The following TRDN variants were observed in gnomAD, a reference collection of about 807,000 sequenced individuals.
The protein encoded by TRDN is triadin in skeletal muscle.
Under a neutral mutation model 149.7 loss-of-function variants are expected in TRDN, and 161 were observed. The observed-to-expected ratio is 1.08, with a 90% CI of 0.95 to 1.23. The LOEUF (loss-of-function observed/expected upper bound fraction) is 1.23. Among genes scored for constraint, TRDN ranks in the 50% most tolerant of loss-of-function variants. The pLI, the probability that TRDN is intolerant of heterozygous loss-of-function variation, is 0.00. For missense variants in TRDN, 896 were observed against 823.5 expected, an observed-to-expected ratio of 1.09 and a Z score of -1.08; for synonymous variants, 294 against 250.5, an observed-to-expected ratio of 1.17 and a Z score of -1.64.
chr6:123,615,005 C>T (rs1399179094), intron 1 of TRDN, among the ~76,000 whole-genome samples: 2 of 151,998 alleles, frequency 1.3e-5, no homozygotes, highest in Non-Finnish European at 2.9e-5. Context: ...ACTGAATAGA[C>T]ATCGCTCAAA....
chr6:123,634,302 A>T (rs200386666), intron 1 of TRDN, among the ~76,000 whole-genome samples: 1 of 151,804 alleles, frequency 6.6e-6, no homozygotes, highest in East Asian at 1.9e-4. Flanking sequence ...TTAGCCAGGC[A>T]TGGTGGTGCA....
At chr6:123,329,197 T>C (rs943110161) in intron 23 of TRDN, among the ~76,000 whole-genome samples, 9 of 152,154 alleles carry the variant, frequency 5.9e-5, no homozygotes, top group Admixed American at 4.6e-4. Context: ...GAGAGTTTAG[T>C]GCATAACCAG....
intron 21 of TRDN, among the ~76,000 whole-genome samples, chr6:123,338,319 C>A (rs909415523): frequency 1.6e-4 from 25 of 152,098 alleles, no homozygotes; most frequent in Admixed American, 2.0e-4. Context: ...CTGGACAGGG[C>A]AGATCTATCA....
At chr6:123,516,734 T>C (rs1165057469) in intron 5 of TRDN, among the ~76,000 whole-genome samples, 1 of 152,078 alleles carries the variant, frequency 6.6e-6, no homozygotes, top group Admixed American at 6.6e-5. Context: ...TAAAATTTAA[T>C]TTAATATGAG....
chr6:123,526,171 C>T (rs921022311), intron 5 of TRDN, among the ~76,000 whole-genome samples: 1 of 152,014 alleles, frequency 6.6e-6, no homozygotes, highest in African/African-American at 2.4e-5. Flanking sequence ...TTTAAAGATG[C>T]ATACAGTCTA....
chr6:123,447,803 T>C (rs1253936960), intron 10 of TRDN, among the ~76,000 whole-genome samples: 1 of 150,086 alleles, frequency 6.7e-6, no homozygotes, highest in African/African-American at 2.4e-5. Context: ...TTGTGAATGT[T>C]AGCTCCAGAT....
chr6:123,624,844 C>T (rs1785568010), intron 1 of TRDN, among the ~76,000 whole-genome samples: 1 of 151,370 alleles, frequency 6.6e-6, no homozygotes, highest in South Asian at 2.1e-4. Flanking sequence ...TGGGAGAACA[C>T]TCAGATGGGA....
At chr6:123,311,242 A>T (rs1389035210) in intron 24 of TRDN, among the ~76,000 whole-genome samples, 1 of 151,948 alleles carries the variant, frequency 6.6e-6, no homozygotes, top group Non-Finnish European at 1.5e-5. Context: ...GAACTGCCAG[A>T]CACTTATAAA....
intron 5 of TRDN, among the ~76,000 whole-genome samples, chr6:123,521,512 G>A (rs1209165739): frequency 6.6e-6 from 1 of 152,054 alleles, no homozygotes; most frequent in Non-Finnish European, 1.5e-5. Context: ...AACCTCCAGA[G>A]GCCAGGAGAG....
At chr6:123,225,759 T>G (rs1471554383) in intron 38 of TRDN, among the ~76,000 whole-genome samples, 1 of 151,762 alleles carries the variant, frequency 6.6e-6, no homozygotes, top group Non-Finnish European at 1.5e-5. Flanking sequence ...ACACAATGAC[T>G]CTTAAGTTGT....
chr6:123,347,241 C>T (rs920001380), intron 21 of TRDN, among the ~76,000 whole-genome samples: 5 of 152,118 alleles, frequency 3.3e-5, no homozygotes, highest in African/African-American at 7.2e-5. Flanking sequence ...GAATATAGTA[C>T]GTACTGAAAA....
At chr6:123,253,787 C>T (rs1776460253) in intron 37 of TRDN, among the ~76,000 whole-genome samples, 1 of 152,106 alleles carries the variant, frequency 6.6e-6, no homozygotes, top group African/African-American at 2.4e-5. Context: ...ATCTCTTGTA[C>T]AGCTGAGTTA....
Position 123,497,981 on chromosome 6 carries a change from G to T in TRDN, c.794-729C>A, listed in dbSNP as rs539051139. Among the ~76,000 whole-genome samples, 448 of 151,884 alleles carry T rather than the reference G, an allele frequency of 2.9e-3. 6 individuals are homozygous for T. The highest frequency in any genetic ancestry group is 0.01 in the African/African-American group (421 of 41,424). On this transcript the variant is annotated intron_variant, in intron 8 of 40. Coordinates refer to ENST00000334268, the MANE Select transcript of TRDN (RefSeq NM_006073.4). Reference sequence around the variant, plus strand: ...GGGCAGACCTGGTCTTCAGGAGTTGGTTTTTTTTCTATTCCCTCTAGATTA... The same window carrying T: ...GGGCAGACCTGGTCTTCAGGAGTTGTTTTTTTTTCTATTCCCTCTAGATTA...
intron 20 of TRDN, among the ~76,000 whole-genome samples, chr6:123,364,171 AGTTAAACTGT>A (rs1350533484): frequency 6.6e-6 from 1 of 152,178 alleles, no homozygotes; most frequent in Non-Finnish European, 1.5e-5. Flanking sequence ...TTTTTTGCTC[AGTTAAACTGT>A]GTTAAATATA....
At chr6:123,401,369 C>T (rs1772963737) in intron 12 of TRDN, among the ~76,000 whole-genome samples, 1 of 152,154 alleles carries the variant, frequency 6.6e-6, no homozygotes, top group Non-Finnish European at 1.5e-5. Flanking sequence ...CTTTCTGGTA[C>T]ACTTAGTCCT....
intron 24 of TRDN, among the ~76,000 whole-genome samples, chr6:123,295,131 T>C (rs147268197): frequency 6.6e-6 from 1 of 152,246 alleles, no homozygotes; most frequent in Non-Finnish European, 1.5e-5. Flanking sequence ...CAATCAGACA[T>C]GCCCACCAGT....
rs776477659 is a variant in TRDN, at chr6:123,377,917, G to T, written c.1187-19C>A. The T allele has an allele frequency of 7.1e-7, 1 of 1,407,546 alleles. No homozygotes were observed. The highest frequency in any genetic ancestry group is 1.3e-5 in the South Asian group (1 of 75,478). 87.2% of individuals were successfully genotyped at this position (1,407,546 alleles called of 1,614,324 possible). ...TCCTGTTCTGAAACATATTATTATT[G>T]TTATTATTATTATCGTTATTATTCT... On this transcript the variant is annotated intron_variant, in intron 16 of 40. Coordinates refer to ENST00000334268, the MANE Select transcript of TRDN (RefSeq NM_006073.4).
At chr6:123,351,979 A>G in intron 21 of TRDN, 1 of 977,968 alleles carries the variant, frequency 1.0e-6, no homozygotes, top group Non-Finnish European at 1.2e-6. Context: ...AAATACAAAT[A>G]AAATGCATTA....
intron 8 of TRDN, chr6:123,498,673 G>C (rs1778550181): frequency 2.2e-6 from 1 of 463,840 alleles, no homozygotes; most frequent in Admixed American, 2.4e-5. Flanking sequence ...ATAAGGTTAA[G>C]GTAGAAGGTA....
Sources: gnomAD v4.1 joint callset for allele counts (sites outside exome capture counted in the v4.1 genomes callset) on GRCh38, gnomAD v4.1.1 for gene constraint, MANE v1.5 for transcripts, NCBI Gene and HGNC (gene_info 2026-07-23, HGNC 2026-07-21) for gene names.